The following FAF1 variants were observed in gnomAD, a reference collection of about 807,000 sequenced individuals.
FAF1 encodes Fas associated factor 1.
Under a neutral mutation model 92.5 loss-of-function variants are expected in FAF1, and 25 were observed. The observed-to-expected ratio is 0.27, with a 90% CI of 0.20 to 0.38. The LOEUF is 0.38. Among genes scored for constraint, FAF1 ranks in the 10% least tolerant of loss-of-function variants. FAF1 has a pLI of 1.00. For synonymous variants in FAF1, 234 were observed against 273.2 expected (o/e 0.86, Z 1.42); for missense variants, 636 against 793.3 (o/e 0.80, Z 2.38).
At chr1:50,636,871 G>A (rs907112870) in intron 8 of FAF1, among the ~76,000 whole-genome samples, 1 of 151,574 alleles carries the variant, frequency 6.6e-6, no homozygotes, top group Non-Finnish European at 1.5e-5. Context: ...TTTGTGTATG[G>A]CATAAGGTAA....
At chr1:50,561,428 A>C (rs1649893304) in intron 13 of FAF1, among the ~76,000 whole-genome samples, 1 of 152,202 alleles carries the variant, frequency 6.6e-6, no homozygotes, top group South Asian at 2.1e-4. Flanking sequence ...AGAGGAATGT[A>C]GCTGTATTTC....
chr1:50,689,323 G>A (rs1656811294), intron 7 of FAF1, among the ~76,000 whole-genome samples: 1 of 152,132 alleles, frequency 6.6e-6, no homozygotes, highest in African/African-American at 2.4e-5. Context: ...AGTGGCTCAC[G>A]CCTGTAATCC....
chr1:50,653,438 C>A (rs898758466), intron 8 of FAF1, among the ~76,000 whole-genome samples: 9 of 152,182 alleles, frequency 5.9e-5, no homozygotes, highest in African/African-American at 1.9e-4. Context: ...GCAACCTCCC[C>A]CTCCCAGGTT....
chr1:50,606,586 G>A (rs555591501), intron 8 of FAF1, among the ~76,000 whole-genome samples: 3 of 125,560 alleles, frequency 2.4e-5, no homozygotes, highest in South Asian at 2.8e-4. Flanking sequence ...CACAACCTCC[G>A]CCTCCCAGGT....
intron 2 of FAF1, among the ~76,000 whole-genome samples, chr1:50,818,867 A>T (rs964643595): frequency 6.6e-6 from 1 of 152,086 alleles, no homozygotes; most frequent in African/African-American, 2.4e-5. Flanking sequence ...AATCTTGGAG[A>T]TGGGACCCCA....
In FAF1 at chr1:50,667,865, C is replaced by T. The variant is rs553648091; in HGVS notation, c.658-12337G>A. ...AATGTTAATGCTTTTGGCAAAGAAC[C>T]ATCTTTATATTTTGATAATGACTAT... On this transcript the variant is annotated intron_variant, in intron 7 of 18. Coordinates refer to ENST00000396153, the MANE Select transcript of FAF1 (RefSeq NM_007051.3). 9.9e-5 allele frequency among the ~76,000 whole-genome samples: 15 copies of T among 152,166 alleles called. No individual in the cohort carries two copies. In the South Asian group the frequency reaches 2.7e-3, roughly 27 times the overall value.
chr1:50,492,756 G>T (rs554129621), intron 15 of FAF1, among the ~76,000 whole-genome samples: 36 of 152,158 alleles, frequency 2.4e-4, no homozygotes, highest in African/African-American at 8.0e-4. Context: ...GCTTACTCAA[G>T]GCTGAATATA....
intron 7 of FAF1, among the ~76,000 whole-genome samples, chr1:50,673,618 A>G (rs1655994029): frequency 6.6e-6 from 1 of 152,164 alleles, no homozygotes; most frequent in African/African-American, 2.4e-5. Context: ...ACGTGCTGTG[A>G]TGGGTGATAA....
At chr1:50,627,545 T>C (rs1653562047) in intron 8 of FAF1, among the ~76,000 whole-genome samples, 1 of 151,742 alleles carries the variant, frequency 6.6e-6, no homozygotes, top group Admixed American at 6.6e-5. Flanking sequence ...TGGATCCATC[T>C]CATAAACGGA....
chr1:50,541,232 C>T (rs1427729075), intron 13 of FAF1, among the ~76,000 whole-genome samples: 1 of 152,150 alleles, frequency 6.6e-6, no homozygotes, highest in African/African-American at 2.4e-5. Flanking sequence ...CTAAGGGCCA[C>T]TAGAACTGTT....
rs183081143 is a variant in FAF1 at position 50,674,995 on chromosome 1, A to G, written c.658-19467T>C. 1.4e-3 allele frequency among the ~76,000 whole-genome samples: 216 copies of G among 152,158 alleles called. 1 individual carries two copies. Among genetic ancestry groups the G allele is most frequent in the Middle Eastern group, 6.8e-3 (2 of 294 alleles). ...AACCTCCGCCTCCTGGGTTCAACCA[A>G]TTCTCCTGTCTCAGCCTCCCAAGTA... is the stretch of plus-strand genomic sequence containing the variant. On this transcript the variant is annotated intron_variant, in intron 7 of 18. Transcript: ENST00000396153.
chr1:50,603,177 C>A (rs1652224710), intron 8 of FAF1, among the ~76,000 whole-genome samples: 1 of 152,178 alleles, frequency 6.6e-6, no homozygotes, highest in Non-Finnish European at 1.5e-5. Flanking sequence ...TAATTACTTT[C>A]TTTGGCTTAA....
At chr1:50,876,369 C>A (rs1362318435) in intron 1 of FAF1, among the ~76,000 whole-genome samples, 1 of 152,124 alleles carries the variant, frequency 6.6e-6, no homozygotes, top group East Asian at 1.9e-4. Flanking sequence ...ACCAGTGTTC[C>A]TTGTAGAAAT....
intron 2 of FAF1, among the ~76,000 whole-genome samples, chr1:50,854,828 C>G (rs889294342): frequency 6.6e-6 from 1 of 151,564 alleles, no homozygotes; most frequent in African/African-American, 2.4e-5. Flanking sequence ...TTTGAGCATC[C>G]CTAATCCAAA....
intron 7 of FAF1, among the ~76,000 whole-genome samples, chr1:50,670,950 G>A (rs1040766419): frequency 7.9e-5 from 12 of 151,680 alleles, no homozygotes; most frequent in Non-Finnish European, 1.0e-4. Context: ...AAATAAAGTA[G>A]CTTGATAAGT....
intron 1 of FAF1, among the ~76,000 whole-genome samples, chr1:50,928,104 C>T (rs146988679): frequency 6.2e-4 from 95 of 152,300 alleles, no homozygotes; most frequent in Admixed American, 3.2e-3. Flanking sequence ...GACTGGTTTT[C>T]AGGAACAAGT....
At chr1:50,865,604 T>C (rs1454125107) in intron 1 of FAF1, among the ~76,000 whole-genome samples, 3 of 132,848 alleles carry the variant, frequency 2.3e-5, no homozygotes, top group Non-Finnish European at 3.2e-5. Flanking sequence ...AACCAAACAC[T>C]GCATATTCTC....
intron 6 of FAF1, among the ~76,000 whole-genome samples, chr1:50,735,908 A>G (rs1659118898): frequency 1.3e-5 from 2 of 152,130 alleles, no homozygotes; most frequent in South Asian, 4.1e-4. Context: ...TTGTAGAGAT[A>G]CAGTCTCGCT....
At chr1:50,677,110 T>C (rs1043555659) in intron 7 of FAF1, among the ~76,000 whole-genome samples, 4 of 152,210 alleles carry the variant, frequency 2.6e-5, no homozygotes, top group African/African-American at 9.6e-5. Flanking sequence ...GAAAGAATAA[T>C]ATTATTAAGA....
Sources: gnomAD v4.1 joint callset for allele counts (sites outside exome capture counted in the v4.1 genomes callset) on GRCh38, gnomAD v4.1.1 for gene constraint, MANE v1.5 for transcripts, NCBI Gene and HGNC (gene_info 2026-07-23, HGNC 2026-07-21) for gene names.